Variants in CTNNA3 observed in about 807,000 individuals in gnomAD.
CTNNA3 encodes catenin alpha-3.
A neutral mutation model predicts 95.7 loss-of-function variants in CTNNA3; 76 were observed. The ratio of observed to expected loss-of-function variants is 0.79; its 90% confidence interval spans 0.66 to 0.96. The LOEUF (loss-of-function observed/expected upper bound fraction) is 0.96. CTNNA3 is among the 40% of genes least tolerant of loss of function. CTNNA3 has a pLI of 0.00. For synonymous variants in CTNNA3, 431 were observed against 374.4 expected, an observed-to-expected ratio of 1.15 and a Z score of -1.74; for missense variants, 1,191 against 1,089.8, an observed-to-expected ratio of 1.09 and a Z score of -1.31.
rs1288196154 is a variant in CTNNA3, at chr10:67,145,826, AT to A, written c.1047+34490del. Among the ~76,000 whole-genome samples the A allele has an allele frequency of 1.1e-3, 170 of 152,300 alleles. 1 individual carries two copies. The highest frequency in any genetic ancestry group is 3.9e-3 in the African/African-American group (164 of 41,552). ...ATAATAATAGGAACAAAGTTACCAC[AT>A]GTGCAAAAAGCTAGATGTTTAGTCA... On this transcript the variant is annotated intron_variant, in intron 7 of 17. Transcript: ENST00000433211.
chr10:66,635,379 G>A (rs1306671758), intron 9 of CTNNA3, among the ~76,000 whole-genome samples: 1 of 152,078 alleles, frequency 6.6e-6, no homozygotes, highest in Non-Finnish European at 1.5e-5. Flanking sequence ...TAGGATCATT[G>A]TGGAAAGGGT....
At chr10:67,176,305 G>A (rs759223387) in intron 7 of CTNNA3, among the ~76,000 whole-genome samples, 26 of 152,210 alleles carry the variant, frequency 1.7e-4, no homozygotes, top group Non-Finnish European at 3.1e-4. Flanking sequence ...TTCAGTTAAT[G>A]TCAGAGAGGC....
At chr10:67,598,294 G>A (rs1842983892) in intron 3 of CTNNA3, among the ~76,000 whole-genome samples, 1 of 151,998 alleles carries the variant, frequency 6.6e-6, no homozygotes, top group South Asian at 2.1e-4. Context: ...GGGATCATGG[G>A]GTCTCCTGCA....
intron 1 of CTNNA3, among the ~76,000 whole-genome samples, chr10:67,726,228 C>T (rs1169720041): frequency 1.1e-5 from 1 of 88,248 alleles, no homozygotes; most frequent in Non-Finnish European, 1.9e-5. Flanking sequence ...ATACATCATA[C>T]ATTATATATT....
At chr10:67,480,344 A>G (rs979746892) in intron 5 of CTNNA3, among the ~76,000 whole-genome samples, 1 of 152,204 alleles carries the variant, frequency 6.6e-6, no homozygotes, top group Non-Finnish European at 1.5e-5. Context: ...AAAATCCGCA[A>G]CACAATTGCT....
intron 7 of CTNNA3, among the ~76,000 whole-genome samples, chr10:66,939,076 G>C (rs1402236774): frequency 2.6e-5 from 4 of 152,152 alleles, no homozygotes; most frequent in Non-Finnish European, 5.9e-5. Context: ...CGCTATGACA[G>C]AAACTAGGTC....
intron 9 of CTNNA3, among the ~76,000 whole-genome samples, chr10:66,681,815 A>G (rs1488838342): frequency 6.6e-6 from 1 of 152,112 alleles, no homozygotes; most frequent in East Asian, 1.9e-4. Flanking sequence ...TTTTCTTTTC[A>G]TGTATACAAG....
intron 2 of CTNNA3, among the ~76,000 whole-genome samples, chr10:67,624,352 A>C (rs1053682661): frequency 1.3e-5 from 2 of 152,156 alleles, no homozygotes; most frequent in Admixed American, 6.6e-5. Flanking sequence ...CTGCGGGCCC[A>C]ACAAACTTTG....
At chr10:67,232,578 G>A (rs962703946) in intron 5 of CTNNA3, among the ~76,000 whole-genome samples, 22 of 151,760 alleles carry the variant, frequency 1.4e-4, no homozygotes, top group Admixed American at 3.9e-4. Flanking sequence ...AAAGACCATC[G>A]AGACTAGGAA....
In CTNNA3 at chr10:66,863,802, A is replaced by T. The variant is rs541117765; in HGVS notation, c.1048-88278T>A. ...GGTGTCTAATTGTGTCACTAGGAGG[A>T]GACCTCCTAGTGATCTGGTGTGGAC... On this transcript the variant is annotated intron_variant, in intron 7 of 17. Coordinates refer to ENST00000433211, the MANE Select transcript of CTNNA3 (RefSeq NM_013266.4). 2.8e-3 allele frequency among the ~76,000 whole-genome samples: 432 copies of T among 152,226 alleles called. 4 individuals are homozygous for T. The highest frequency in any genetic ancestry group is 4.9e-3 in the Non-Finnish European group (332 of 68,014).
Position 67,607,047 on chromosome 10 carries a change from A to G in CTNNA3, c.102T>C (p.Val34=). The change falls in exon 3 of 18, where the codon GTT becomes GTC. Residue 34 remains valine (V), a splice_region_variant and synonymous_variant. Coordinates refer to ENST00000433211, the MANE Select transcript of CTNNA3 (RefSeq NM_013266.4). ...TCTGGGGACAGTTTACAAGTGTGGT[A>G]ACCTAAAATTGGAAAAATACAAAGT... ...EKLLEPLIIQ[V]TTLVNCPQNP... is the part of the protein sequence containing the mutation. 6.2e-7 allele frequency: 1 copy of G among 1,608,780 alleles called. No individual in the cohort carries two copies. The highest frequency in any genetic ancestry group is 8.5e-7 in the Non-Finnish European group (1 of 1,178,134).
At chr10:66,943,223 T>C (rs1243202822) in intron 7 of CTNNA3, among the ~76,000 whole-genome samples, 2 of 152,222 alleles carry the variant, frequency 1.3e-5, no homozygotes, top group African/African-American at 4.8e-5. Context: ...AGTTTCTAAA[T>C]GACACAAGAT....
chr10:67,679,104 T>C (rs1187531801), intron 1 of CTNNA3, among the ~76,000 whole-genome samples: 1 of 152,174 alleles, frequency 6.6e-6, no homozygotes, highest in Admixed American at 6.5e-5. Flanking sequence ...GGAGAAAAGA[T>C]AGTAAGAGAA....
intron 11 of CTNNA3, among the ~76,000 whole-genome samples, chr10:66,415,841 A>G (rs892019504): frequency 1.5e-4 from 23 of 152,186 alleles, no homozygotes; most frequent in Non-Finnish European, 2.9e-5. Context: ...TTCCTCAAAA[A>G]AAGTCCTTCC....
intron 10 of CTNNA3, among the ~76,000 whole-genome samples, chr10:66,567,879 T>TA (rs1224529169): frequency 6.6e-6 from 1 of 152,154 alleles, no homozygotes; most frequent in Non-Finnish European, 1.5e-5. Flanking sequence ...TTCTCCAAGT[T>TA]ACAATAATAA....
At position 67,432,456 on chromosome 10, in the gene CTNNA3, C is replaced by T. The variant is rs903016694; in HGVS notation, c.579+89386G>A. Among the ~76,000 whole-genome samples the T allele has an allele frequency of 2.6e-5, 4 of 151,990 alleles. No homozygotes were observed. In the South Asian group the frequency reaches 6.2e-4, roughly 24 times the overall value. The stretch of plus-strand genomic sequence containing the variant: ...AAATCAAGGTGTCAACAAGGCTGCA[C>T]ACCCTATAGAGAGATGCTGTAAGAG... On this transcript the variant is annotated intron_variant, in intron 5 of 17. Coordinates refer to ENST00000433211, the MANE Select transcript of CTNNA3 (RefSeq NM_013266.4).
intron 7 of CTNNA3, among the ~76,000 whole-genome samples, chr10:67,069,009 T>C (rs1340737505): frequency 6.6e-6 from 1 of 151,620 alleles, no homozygotes; most frequent in Non-Finnish European, 1.5e-5. Context: ...GCAGCTCAGA[T>C]CACCACTGAA....
At chr10:67,679,041 T>C (rs548028793) in intron 1 of CTNNA3, among the ~76,000 whole-genome samples, 1 of 152,298 alleles carries the variant, frequency 6.6e-6, no homozygotes, top group South Asian at 2.1e-4. Context: ...GAATGGTCTT[T>C]AAAATAAAAA....
intron 9 of CTNNA3, among the ~76,000 whole-genome samples, chr10:66,668,673 G>A (rs1038486205): frequency 1.3e-5 from 2 of 151,966 alleles, no homozygotes; most frequent in African/African-American, 4.8e-5. Flanking sequence ...TTAACCGGGT[G>A]TGGTGGTGCA....
Sources: gnomAD v4.1 joint callset for allele counts (sites outside exome capture counted in the v4.1 genomes callset) on GRCh38, gnomAD v4.1.1 for gene constraint, MANE v1.5 for transcripts, NCBI Gene and HGNC (gene_info 2026-07-23, HGNC 2026-07-21) for gene names.